TIMD4: variants seen among roughly 807,000 people sequenced by gnomAD.
TIMD4 encodes the protein T cell immunoglobulin and mucin domain containing 4, also known as T-cell immunoglobulin and mucin domain-containing protein 4.
Under a neutral mutation model 41.2 loss-of-function variants are expected in TIMD4, and 31 were observed. The ratio of observed to expected loss-of-function variants is 0.75; its 90% CI spans 0.57 to 1.01. TIMD4 has a LOEUF of 1.01. TIMD4 is among the 50% of genes least tolerant of loss of function. TIMD4 has a pLI of 0.00. For missense variants in TIMD4, 479 were observed against 472.5 expected (o/e 1.01, Z -0.13); for synonymous variants, 204 against 177.1 (o/e 1.15, Z -1.21).
intron 6 of TIMD4, among the ~76,000 whole-genome samples, chr5:156,925,548 A>G (rs1485847015): frequency 1.3e-5 from 2 of 152,228 alleles, no homozygotes; most frequent in Non-Finnish European, 2.9e-5. Flanking sequence ...AGACTTCTGT[A>G]CTGCCTGAAG....
At chr5:156,945,196 G>T (rs191069404) in intron 5 of TIMD4, among the ~76,000 whole-genome samples, 1 of 152,170 alleles carries the variant, frequency 6.6e-6, no homozygotes, top group Non-Finnish European at 1.5e-5. Context: ...AGAGTGGCAC[G>T]GTGTTAGAGT....
chr5:156,920,538 C>T (rs1466641766), intron 7 of TIMD4, 35 bp from the exon 8 acceptor site: 1 of 1,612,246 alleles, frequency 6.2e-7, no homozygotes, highest in East Asian at 2.2e-5. Context: ...AGCAGAGTGG[C>T]TGCGGTGCAT....
intron 5 of TIMD4, among the ~76,000 whole-genome samples, chr5:156,943,987 G>A (rs145036923): frequency 0.022 from 3,341 of 151,712 alleles, 56 homozygotes; most frequent in South Asian, 0.063. Context: ...TTGAACCCAG[G>A]AGGCAAAGCT....
chr5:156,938,303 G>C (rs567717899), intron 5 of TIMD4, among the ~76,000 whole-genome samples: 1 of 152,156 alleles, frequency 6.6e-6, no homozygotes, highest in Admixed American at 6.5e-5. Context: ...GCCTTCTTGG[G>C]ACCAGGGCTG....
chr5:156,937,137 G>C (rs899064459), intron 5 of TIMD4, among the ~76,000 whole-genome samples: 1 of 151,966 alleles, frequency 6.6e-6, no homozygotes, highest in African/African-American at 2.4e-5. Context: ...AGTAAACTTG[G>C]GCAGACTTAT....
Position 156,922,667 on chromosome 5 carries a change from G to A in TIMD4, c.895-451C>T, listed in dbSNP as rs1581606259. Among the ~76,000 whole-genome samples the A allele has an allele frequency of 2.6e-5, 4 of 152,334 alleles. No homozygotes were observed. The South Asian group carries it at 8.3e-4, about 32-fold the overall frequency. On this transcript the variant is annotated intron_variant, in intron 6 of 8. Coordinates refer to ENST00000274532, the MANE Select transcript of TIMD4 (RefSeq NM_138379.3). ...CCCATGAGATCAAAATGATTTTCATGAGACATTTTTTGCCATTTTCACTAT... is the reference window on the plus strand; with the variant it reads ...CCCATGAGATCAAAATGATTTTCATAAGACATTTTTTGCCATTTTCACTAT...
intron 5 of TIMD4, among the ~76,000 whole-genome samples, chr5:156,933,544 G>GTTGTTTTGTTTTGTTTTGTTTTGTT (rs60102527): frequency 9.0e-5 from 13 of 144,248 alleles, no homozygotes; most frequent in African/African-American, 2.9e-4. Context: ...GGGTGAGAGT[G>GTTGTTTTGTTTTGTTTTGTTTTGTT]TTGTTTTGTT....
rs747104338 is a variant in TIMD4 at position 156,919,458 on chromosome 5, T to TA, written c.1135dup (p.Ter379LeufsTer5). ...TCAATCTAACATGCTACTGCGTTGT[T>TA]AGAGGGTAAAAAGGCCGTCTTCGTC... On this transcript the variant is annotated frameshift_variant and stop_lost, in exon 9 of 9. Coordinates refer to ENST00000274532, the MANE Select transcript of TIMD4 (RefSeq NM_138379.3). LOFTEE classifies it high-confidence loss of function. 6.2e-6 allele frequency: 10 copies of TA among 1,613,954 alleles called. No homozygotes were observed. The South Asian group carries it at 9.9e-5, about 16-fold the overall frequency.
At position 156,946,643 on chromosome 5, in the gene TIMD4, A is replaced by AT. The variant is rs1420416741; in HGVS notation, c.844+1772dup. On this transcript the variant is annotated intron_variant, in intron 5 of 8. Coordinates refer to ENST00000274532, the MANE Select transcript of TIMD4 (RefSeq NM_138379.3). ...GGGCGCCCGCCACCACGTCCACCTA[A>AT]TTTTTTTGTATTTTTTTTTTTTTAG... 2.7e-5 allele frequency among the ~76,000 whole-genome samples: 4 copies of AT among 149,890 alleles called. No homozygotes were observed. The East Asian group carries it at 6.0e-4, about 22-fold the overall frequency.
intron 7 of TIMD4, 117 bp downstream of exon 7, chr5:156,921,982 T>G (rs1759250192): frequency 6.9e-6 from 5 of 722,808 alleles, no homozygotes; most frequent in Non-Finnish European, 1.1e-5. Context: ...ATGGGAACAA[T>G]GGCAGAACTG....
At chr5:156,954,364 T>C in intron 2 of TIMD4, 51 bp downstream of exon 2, 1 of 1,540,144 alleles carries the variant, frequency 6.5e-7, no homozygotes. Flanking sequence ...CCATTGTCCA[T>C]TAACCACTGA....
At chr5:156,939,598 C>T (rs1487297508) in intron 5 of TIMD4, among the ~76,000 whole-genome samples, 1 of 152,196 alleles carries the variant, frequency 6.6e-6, no homozygotes, top group Non-Finnish European at 1.5e-5. Context: ...TTAGACACTT[C>T]TGAGGCATTT....
At chr5:156,935,926 C>A (rs1759532866) in intron 5 of TIMD4, among the ~76,000 whole-genome samples, 1 of 152,190 alleles carries the variant, frequency 6.6e-6, no homozygotes, top group African/African-American at 2.4e-5. Flanking sequence ...CTGGGCTTTG[C>A]CCACATTAGC....
At chr5:156,951,423 C>A in intron 3 of TIMD4, 89 bp downstream of exon 3, 3 of 1,487,366 alleles carry the variant, frequency 2.0e-6, no homozygotes, top group Non-Finnish European at 2.8e-6. Context: ...CGCACACACT[C>A]ACACACACAC....
At chr5:156,946,429 C>T (rs1255388158) in intron 5 of TIMD4, among the ~76,000 whole-genome samples, 1 of 152,132 alleles carries the variant, frequency 6.6e-6, no homozygotes, top group Non-Finnish European at 1.5e-5. Flanking sequence ...TACTTCAAAA[C>T]CTATCCCCTT....
intron 1 of TIMD4, among the ~76,000 whole-genome samples, chr5:156,956,431 TCTC>T (rs957456575): frequency 2.0e-5 from 3 of 152,176 alleles, no homozygotes; most frequent in East Asian, 1.9e-4. Context: ...TTTAACCACT[TCTC>T]CTCATTAGCA....
chr5:156,923,044 A>G (rs1225521117), intron 6 of TIMD4, among the ~76,000 whole-genome samples: 1 of 152,134 alleles, frequency 6.6e-6, no homozygotes, highest in East Asian at 1.9e-4. Flanking sequence ...TGAACCTAAA[A>G]GAAAAGTTTA....
intron 5 of TIMD4, among the ~76,000 whole-genome samples, chr5:156,945,030 A>G (rs1371959237): frequency 6.6e-6 from 1 of 152,242 alleles, no homozygotes; most frequent in Non-Finnish European, 1.5e-5. Flanking sequence ...CGAAAATTAC[A>G]TGAAAAAATG....
intron 5 of TIMD4, among the ~76,000 whole-genome samples, chr5:156,946,513 G>C (rs145476560): frequency 6.6e-6 from 1 of 151,938 alleles, no homozygotes; most frequent in Non-Finnish European, 1.5e-5. Flanking sequence ...AGTCTCACTC[G>C]TCGCCCAGGC....
Sources: allele counts gnomAD v4.1 joint callset (sites outside exome capture counted in the v4.1 genomes callset), GRCh38; gene constraint gnomAD v4.1.1; transcripts MANE v1.5; gene names NCBI Gene and HGNC (gene_info 2026-07-23, HGNC 2026-07-21).